Variants in OSBPL7 observed in about 807,000 individuals in gnomAD.
OSBPL7 encodes oxysterol-binding protein-related protein 7.
OSBPL7 carries 66 observed loss-of-function variants against 115.8 expected under a neutral mutation model. The observed-to-expected ratio is 0.57, with a 90% CI of 0.47 to 0.70. The LOEUF is 0.70. Among genes scored for constraint, OSBPL7 ranks in the 30% least tolerant of loss-of-function variants. OSBPL7 has a pLI of 0.00. For synonymous variants in OSBPL7, 441 were observed against 439.2 expected (o/e 1.00, Z -0.05); for missense variants, 902 against 1,125.5 (o/e 0.80, Z 2.84).
At position 47,818,399 on chromosome 17, in the gene OSBPL7, C is replaced by T. The variant is rs767468342; in HGVS notation, c.481-13G>A. 6 of 1,610,774 alleles carry T rather than the reference C, an allele frequency of 3.7e-6. No individual in the cohort carries two copies. The highest frequency in any genetic ancestry group is 5.1e-6 in the Non-Finnish European group (6 of 1,178,146). On this transcript the variant is annotated splice_polypyrimidine_tract_variant and intron_variant, in intron 6 of 22. Transcript: ENST00000007414. ...GGGCACCAGGAACCTGTGGGGTGAG[C>T]CCAGGGTCAGGAAGGATGATGCCCA...
Position 47,809,496 on chromosome 17 carries a change from T to A in OSBPL7, c.1881-18A>T. On this transcript the variant is annotated intron_variant, in intron 18 of 22. Coordinates refer to ENST00000007414, the MANE Select transcript of OSBPL7 (RefSeq NM_145798.3). The stretch of plus-strand genomic sequence containing the variant: ...CCCCAAACCTGAGAAAGACAAGGTA[T>A]GGAAGGGCAGCTGGCTGGCCCCAGG... The A allele has an allele frequency of 1.2e-6, 2 of 1,603,998 alleles. No individual in the cohort carries two copies. The highest frequency in any genetic ancestry group is 1.7e-6 in the Non-Finnish European group (2 of 1,171,760).
intron 3 of OSBPL7, 43 bp downstream of exon 3, chr17:47,819,928 C>A: frequency 1.9e-6 from 3 of 1,556,088 alleles, no homozygotes; most frequent in South Asian, 1.2e-5. Flanking sequence ...CATTCCCACC[C>A]CGCCCCCCAT....
At chr17:47,814,375 C>A (rs779824629) in intron 14 of OSBPL7, 146 bp downstream of exon 14, 17 of 716,128 alleles carry the variant, frequency 2.4e-5, no homozygotes, top group Non-Finnish European at 3.9e-5. Flanking sequence ...CATGACCTGG[C>A]CTTCCTTAGC....
Position 47,813,316 on chromosome 17 carries a change from T to G in OSBPL7, c.1687A>C (p.Thr563Pro). 2 of 1,613,876 alleles carry G rather than the reference T, an allele frequency of 1.2e-6. No individual in the cohort carries two copies. The highest frequency in any genetic ancestry group is 1.7e-6 in the Non-Finnish European group (2 of 1,180,004). Residue 563 changes from threonine (T) to proline (P), a missense_variant, in exon 16 of 23, where the codon ACC (threonine) becomes CCC (proline). Thr to Pro is a conservative substitution (Grantham distance 38). Transcript: ENST00000007414. ...CGGTCAGGCCGCTCACACTCGTAGG[T>G]CTCCCCCAGGACAGGGTTGAAGGGC... ...CKPFNPVLGETYECERPDRGF... is the reference protein window; with the variant it reads ...CKPFNPVLGEPYECERPDRGF...
chr17:47,819,768 G>T lies in OSBPL7; in HGVS notation c.216C>A (p.Leu72=), dbSNP rs764249304. The T allele has an allele frequency of 1.9e-6, 3 of 1,614,110 alleles. No individual in the cohort carries two copies. The South Asian group carries it at 3.3e-5, about 18-fold the overall frequency. Residue 72 remains leucine (L), a synonymous_variant, in exon 4 of 23, where the codon CTC becomes CTA. Coordinates refer to ENST00000007414, the MANE Select transcript of OSBPL7 (RefSeq NM_145798.3). ...LKGWHKRYFV[L]EDGILHYATT... is the part of the protein sequence containing the mutation. ...TTGCATAATGAAGGATCCCGTCCTC[G>T]AGCACAAAGTATCTCTGTGATGTTG...
At chr17:47,812,070 G>A (rs925576107) in intron 16 of OSBPL7, among the ~76,000 whole-genome samples, 6 of 152,002 alleles carry the variant, frequency 3.9e-5, no homozygotes, top group African/African-American at 7.3e-5. Flanking sequence ...AAACTGCCTC[G>A]ACCTTTATCC....
chr17:47,810,499 T>C (rs2033004573), intron 18 of OSBPL7, 95 bp downstream of exon 18: 8 of 1,104,618 alleles, frequency 7.2e-6, no homozygotes, highest in Non-Finnish European at 1.1e-5. Flanking sequence ...CAGACCTTCC[T>C]ATCCCGTCCT....
Position 47,808,762 on chromosome 17 carries a change from T to G in OSBPL7, c.2297+102A>C. 6.2e-7 allele frequency: 1 copy of G among 1,601,858 alleles called. No homozygotes were observed. Among genetic ancestry groups the G allele is most frequent in the Non-Finnish European group, 8.5e-7 (1 of 1,172,198 alleles). Reference sequence around the variant, plus strand: ...ACTCTGTCCTCTAGACAAGCCCCACTTCTCTGAGGCCACTCAGTGAAGGAA... The same window carrying G: ...ACTCTGTCCTCTAGACAAGCCCCACGTCTCTGAGGCCACTCAGTGAAGGAA... On this transcript the variant is annotated intron_variant, in intron 21 of 22. Coordinates refer to ENST00000007414, the MANE Select transcript of OSBPL7 (RefSeq NM_145798.3). The surrounding 1 kb of genome is among the most constrained non-coding windows in gnomAD (Gnocchi z 6.1).
intron 7 of OSBPL7, 60 bp downstream of exon 7, chr17:47,818,209 C>T (rs949085182): frequency 6.9e-7 from 1 of 1,442,746 alleles, no homozygotes; most frequent in Admixed American, 2.0e-5. Context: ...AACATTTTCC[C>T]CTCCTAGACC....
In OSBPL7 at chr17:47,814,544, C is replaced by T. The variant is rs1182719552; in HGVS notation, c.1328G>A (p.Arg443Lys). 1.2e-6 allele frequency: 2 copies of T among 1,613,968 alleles called. No individual in the cohort carries two copies. The highest frequency in any genetic ancestry group is 1.7e-6 in the Non-Finnish European group (2 of 1,179,956). ...ACCTTTCTGACAGCGCTCAGCTCCC[C>T]TGAGGTCCAGCATCTCCTCAGACAG... ...TSLSEEMLDLRGAERCQKGGC... is the reference protein window; with the variant it reads ...TSLSEEMLDLKGAERCQKGGC... The change falls in exon 14 of 23, where the codon AGG (arginine) becomes AAG (lysine). Residue 443 changes from arginine to lysine, a missense_variant. Coordinates refer to ENST00000007414, the MANE Select transcript of OSBPL7 (RefSeq NM_145798.3).
intron 16 of OSBPL7, among the ~76,000 whole-genome samples, chr17:47,812,102 C>G (rs975546096): frequency 6.6e-6 from 1 of 152,194 alleles, no homozygotes; most frequent in Non-Finnish European, 1.5e-5. Flanking sequence ...CCACTTCTCT[C>G]TCCTCTGTCC....
chr17:47,814,081 C>T (rs965475504), intron 14 of OSBPL7, among the ~76,000 whole-genome samples: 6 of 152,178 alleles, frequency 3.9e-5, no homozygotes, highest in Non-Finnish European at 7.4e-5. Flanking sequence ...TGCCAGAAAC[C>T]CTGCACCCCA....
chr17:47,815,682 C>T, intron 12 of OSBPL7: 1 of 339,086 alleles, frequency 2.9e-6, no homozygotes, highest in East Asian at 6.1e-5. Flanking sequence ...CAATTATCAC[C>T]CCCACTTTGC....
At chr17:47,819,910 C>T in intron 3 of OSBPL7, 61 bp downstream of exon 3, 2 of 1,582,680 alleles carry the variant, frequency 1.3e-6, no homozygotes, top group Admixed American at 1.7e-5. Context: ...TGCCCAGCAG[C>T]TGCCCCCCAT....
intron 7 of OSBPL7, 64 bp downstream of exon 7, chr17:47,818,205 T>A (rs916798): frequency 0.13 from 187,772 of 1,400,488 alleles, 13,882 homozygotes; most frequent in African/African-American, 0.23. Flanking sequence ...AGGTAACATT[T>A]TCCCCTCCTA....
Position 47,808,481 on chromosome 17 carries a change from C to T in OSBPL7, c.2420+57G>A. 1 of 1,613,974 alleles carries T rather than the reference C, an allele frequency of 6.2e-7. No homozygotes were observed. The highest frequency in any genetic ancestry group is 1.1e-5 in the South Asian group (1 of 91,078). Reference sequence around the variant, plus strand: ...CCTAAGGTGCTGCCTCCCACACCTGCCCTGCTCCAAGCAGGGCTCATGGGG... The same window carrying T: ...CCTAAGGTGCTGCCTCCCACACCTGTCCTGCTCCAAGCAGGGCTCATGGGG... On this transcript the variant is annotated intron_variant, in intron 22 of 22. Coordinates refer to ENST00000007414, the MANE Select transcript of OSBPL7 (RefSeq NM_145798.3). This position sits in a 1 kb window ranked among gnomAD's most constrained non-coding sequence, Gnocchi z 6.1.
intron 12 of OSBPL7, 134 bp downstream of exon 12, chr17:47,815,973 A>G: frequency 1.5e-6 from 1 of 677,464 alleles, no homozygotes; most frequent in Non-Finnish European, 2.5e-6. Flanking sequence ...CCTTATGGGA[A>G]AGACAATGGA....
At chr17:47,818,911 GC>G in intron 5 of OSBPL7, 74 bp downstream of exon 5, 1 of 1,297,110 alleles carries the variant, frequency 7.7e-7, no homozygotes, top group Non-Finnish European at 1.1e-6. Context: ...CAGACCCTCA[GC>G]CCCTGCCCCT....
Position 47,807,995 on chromosome 17 carries a change from C to G in OSBPL7, c.*296G>C. 1 of 437,530 alleles carries G rather than the reference C, an allele frequency of 2.3e-6. No individual in the cohort carries two copies. The highest frequency in any genetic ancestry group is 4.0e-5 in the East Asian group (1 of 24,870). 27.1% of individuals were successfully genotyped at this position (437,530 alleles called of 1,614,324 possible). On this transcript the variant is annotated 3_prime_UTR_variant, in exon 23 of 23. Transcript: ENST00000007414. Reference sequence around the variant, plus strand: ...CAGATCCTGGGAGCCAGAGTCTCCCCCAAGTACCCCAAAGGGGACAGGAAT... The same window carrying G: ...CAGATCCTGGGAGCCAGAGTCTCCCGCAAGTACCCCAAAGGGGACAGGAAT...
Sources: allele counts gnomAD v4.1 joint callset (sites outside exome capture counted in the v4.1 genomes callset), GRCh38; gene constraint gnomAD v4.1.1; non-coding constraint Gnocchi (gnomAD v3.1); transcripts MANE v1.5; gene names NCBI Gene and HGNC (gene_info 2026-07-23, HGNC 2026-07-21).